BCAS3: variants seen among roughly 807,000 people sequenced by gnomAD.
The protein encoded by BCAS3 is BCAS3 microtubule associated cell migration factor, also known as BCAS4/BCAS3 fusion.
BCAS3 carries 53 observed loss-of-function variants against 116.1 expected under a neutral mutation model. That is an observed-to-expected ratio of 0.46 (90% CI 0.37 to 0.57). The LOEUF (loss-of-function observed/expected upper bound fraction) is 0.57, where lower values mean the gene tolerates loss of function less well. Among genes scored for constraint, BCAS3 ranks in the 20% least tolerant of loss-of-function variants. The probability of loss-of-function intolerance (pLI) is 0.00; values close to 1 mark genes in which losing one functional copy is unlikely to be tolerated. For missense variants in BCAS3, 917 were observed against 1,165.4 expected (o/e 0.79, Z 3.10); for synonymous variants, 391 against 408.2 (o/e 0.96, Z 0.51).
chr17:61,048,198 A>G (rs146232261), intron 19 of BCAS3, among the ~76,000 whole-genome samples: 81 of 152,094 alleles, frequency 5.3e-4, no homozygotes, highest in African/African-American at 1.8e-3. Context: ...TTCATTGACT[A>G]TTTCTTGAGG....
rs530862885 is a variant in BCAS3, at chr17:61,368,457, C to A, written c.2556C>A (p.Ala852=). 2.5e-6 allele frequency: 4 copies of A among 1,611,362 alleles called. No homozygotes were observed. In the East Asian group the frequency reaches 8.9e-5, roughly 36 times the overall value. Residue 852 remains alanine (A), a synonymous_variant, in exon 23 of 24, where the codon GCC becomes GCA. Transcript: ENST00000407086. This position sits in a 1 kb window ranked among gnomAD's most constrained non-coding sequence, Gnocchi z 6.0. ...GLRERLADAM[A]ESPSRDVVGS... is the part of the protein sequence containing the mutation. Reference sequence around the variant, plus strand: ...GGGAGCGACTTGCCGACGCCATGGCCGAGTCACCTAGCCGGGACGTCGTGG... The same window carrying A: ...GGGAGCGACTTGCCGACGCCATGGCAGAGTCACCTAGCCGGGACGTCGTGG...
At chr17:61,370,447 G>A (rs576159461) in intron 23 of BCAS3, among the ~76,000 whole-genome samples, 77 of 152,096 alleles carry the variant, frequency 5.1e-4, no homozygotes, top group African/African-American at 1.9e-3. Flanking sequence ...GGAGTGCTAT[G>A]GCACAATCTT....
At position 61,023,445 on chromosome 17, in the gene BCAS3, G is replaced by A. The variant is rs1430095233; in HGVS notation, c.1637+7544G>A. Among the ~76,000 whole-genome samples, 1 of 152,244 alleles carries A rather than the reference G, an allele frequency of 6.6e-6. No individual in the cohort carries two copies. Among genetic ancestry groups the A allele is most frequent in the East Asian group, 1.9e-4 (1 of 5,188 alleles). ...ATAAAATTTGTCTCTTAGATGCCAC[G>A]TACTTCTTTAACTCTGGAGATGATT... On this transcript the variant is annotated intron_variant, in intron 16 of 23. Coordinates refer to ENST00000407086, the MANE Select transcript of BCAS3 (RefSeq NM_017679.5). This position sits in a 1 kb window ranked among gnomAD's most constrained non-coding sequence, Gnocchi z 4.8.
chr17:60,744,408 A>G (rs1452531487), intron 5 of BCAS3, among the ~76,000 whole-genome samples: 1 of 152,212 alleles, frequency 6.6e-6, no homozygotes, highest in African/African-American at 2.4e-5. Flanking sequence ...TATTATTCAG[A>G]AAGATAGCTA....
At chr17:61,116,192 GTAAC>G (rs2075431274) in intron 22 of BCAS3, among the ~76,000 whole-genome samples, 1 of 151,744 alleles carries the variant, frequency 6.6e-6, no homozygotes, top group African/African-American at 2.4e-5. Context: ...GTATACATAT[GTAAC>G]TAACCTGCAC....
At chr17:60,874,815 T>G in intron 9 of BCAS3, 77 bp downstream of exon 9, 3 of 887,518 alleles carry the variant, frequency 3.4e-6, no homozygotes, top group Non-Finnish European at 5.3e-6. Context: ...AAACTAACTG[T>G]AATTTTCTCA....
At chr17:61,067,273 G>GTGTGTATATATATA (rs1251223420) in intron 19 of BCAS3, among the ~76,000 whole-genome samples, 1 of 58,800 alleles carries the variant, frequency 1.7e-5, no homozygotes, top group East Asian at 5.1e-4. Context: ...GTGTGTATGT[G>GTGTGTATATATATA]TATATATATA....
At chr17:61,027,400 G>A in intron 16 of BCAS3, 2 of 447,032 alleles carry the variant, frequency 4.5e-6, no homozygotes, top group East Asian at 6.8e-5. Context: ...GGTATTTAAG[G>A]AGCTACATAA....
chr17:61,087,996 A>G lies in BCAS3; in HGVS notation c.2425+3432A>G, dbSNP rs1295145433. Among the ~76,000 whole-genome samples, 1 of 152,184 alleles carries G rather than the reference A, an allele frequency of 6.6e-6. No homozygotes were observed. The highest frequency in any genetic ancestry group is 1.5e-5 in the Non-Finnish European group (1 of 68,036). ...CAGGTGTTTGAGACCAGCCTGGCTAACATGGCAAAACCCCGTCCCTAATAA... is the reference window on the plus strand; with the variant it reads ...CAGGTGTTTGAGACCAGCCTGGCTAGCATGGCAAAACCCCGTCCCTAATAA... On this transcript the variant is annotated intron_variant, in intron 22 of 23. Coordinates refer to ENST00000407086, the MANE Select transcript of BCAS3 (RefSeq NM_017679.5). The surrounding 1 kb of genome is among the most constrained non-coding windows in gnomAD (Gnocchi z 4.6).
chr17:60,864,989 T>C (rs1273076314), intron 7 of BCAS3, among the ~76,000 whole-genome samples: 1 of 152,156 alleles, frequency 6.6e-6, no homozygotes, highest in Non-Finnish European at 1.5e-5. Flanking sequence ...ATGGGTCCAG[T>C]ATGTGGTGCC....
intron 18 of BCAS3, 136 bp downstream of exon 18, chr17:61,038,190 C>T: frequency 1.4e-6 from 1 of 734,400 alleles, no homozygotes. Context: ...ACAAATACAT[C>T]ACTCTCAAAT....
At chr17:60,998,136 G>A (rs533887709) in intron 15 of BCAS3, among the ~76,000 whole-genome samples, 2 of 152,224 alleles carry the variant, frequency 1.3e-5, no homozygotes, top group Admixed American at 6.5e-5. Flanking sequence ...TTAGGATAAC[G>A]ACCTCCAGCA....
At chr17:60,733,834 C>T in intron 5 of BCAS3, among the ~76,000 whole-genome samples, 1 of 152,050 alleles carries the variant, frequency 6.6e-6, no homozygotes, top group Admixed American at 6.6e-5. Flanking sequence ...GTGACAGATC[C>T]AGACCTTGTC....
chr17:60,731,684 A>T (rs981663597), intron 5 of BCAS3, among the ~76,000 whole-genome samples: 11 of 152,046 alleles, frequency 7.2e-5, no homozygotes, highest in African/African-American at 2.7e-4. Flanking sequence ...ATATATGTTT[A>T]AATTAATAGG....
chr17:60,718,022 G>C (rs1048182352), intron 5 of BCAS3, among the ~76,000 whole-genome samples: 6 of 152,148 alleles, frequency 3.9e-5, no homozygotes, highest in African/African-American at 1.4e-4. Flanking sequence ...CACATGCGCG[G>C]TTCACGTTAG....
intron 22 of BCAS3, among the ~76,000 whole-genome samples, chr17:61,301,212 C>T (rs531530315): frequency 3.6e-4 from 55 of 152,332 alleles, no homozygotes; most frequent in African/African-American, 1.3e-3. Context: ...CACACTACAG[C>T]AGCAGAATTG....
At position 61,364,985 on chromosome 17, in the gene BCAS3, A is replaced by G. The variant is rs2058650186; in HGVS notation, c.2426-3342A>G. On this transcript the variant is annotated intron_variant, in intron 22 of 23. Transcript: ENST00000407086. The surrounding 1 kb of genome is among the most constrained non-coding windows in gnomAD (Gnocchi z 5.4). ...GGCATACATATTTGTCATTAAGAAC[A>G]TATACATGAACACACCTATTACATA... Among the ~76,000 whole-genome samples the G allele has an allele frequency of 6.6e-6, 1 of 152,244 alleles. No homozygotes were observed. Among genetic ancestry groups the G allele is most frequent in the African/African-American group, 2.4e-5 (1 of 41,466 alleles).
intron 22 of BCAS3, among the ~76,000 whole-genome samples, chr17:61,164,871 G>A (rs1446770794): frequency 6.6e-6 from 1 of 152,200 alleles, no homozygotes; most frequent in Non-Finnish European, 1.5e-5. Context: ...TGATGGATAA[G>A]ATACCTGTTC....
At chr17:61,331,197 A>C (rs775286938) in intron 22 of BCAS3, among the ~76,000 whole-genome samples, 1 of 152,096 alleles carries the variant, frequency 6.6e-6, no homozygotes, top group Admixed American at 6.5e-5. Context: ...GGGGTAGGGG[A>C]TGGAGAAGAT....
Sources: gnomAD v4.1 joint callset for allele counts (sites outside exome capture counted in the v4.1 genomes callset) on GRCh38, gnomAD v4.1.1 for gene constraint, Gnocchi (gnomAD v3.1) non-coding constraint, MANE v1.5 for transcripts, NCBI Gene and HGNC (gene_info 2026-07-23, HGNC 2026-07-21) for gene names.